The following EFNB2 variants were observed in gnomAD, a reference collection of about 807,000 sequenced individuals.
The protein encoded by EFNB2 is ephrin B2.
Under a neutral mutation model 32.1 loss-of-function variants are expected in EFNB2, and 5 were observed. The ratio of observed to expected loss-of-function variants is 0.16; its 90% confidence interval spans 0.08 to 0.33. The LOEUF (loss-of-function observed/expected upper bound fraction) is 0.33, where lower values mean the gene tolerates loss of function less well. Among genes scored for constraint, EFNB2 ranks in the 10% least tolerant of loss-of-function variants. EFNB2 has a pLI of 1.00. For missense variants in EFNB2, 263 were observed against 422.6 expected, an observed-to-expected ratio of 0.62 and a Z score of 3.31; for synonymous variants, 168 against 166.5, an observed-to-expected ratio of 1.01 and a Z score of -0.07.
At chr13:106,498,709 G>GT (rs1878674426) in intron 2 of EFNB2, among the ~76,000 whole-genome samples, 1 of 152,156 alleles carries the variant, frequency 6.6e-6, no homozygotes. Context: ...AAGTCTTAGA[G>GT]TTGAAGAAGG....
chr13:106,523,280 G>A (rs1042127271), intron 1 of EFNB2, among the ~76,000 whole-genome samples: 22 of 152,060 alleles, frequency 1.4e-4, no homozygotes, highest in Middle Eastern at 3.2e-3. Flanking sequence ...CATACGGATC[G>A]CCCCCACAAC....
At chr13:106,533,169 G>T (rs1348211980) in intron 1 of EFNB2, among the ~76,000 whole-genome samples, 2 of 151,508 alleles carry the variant, frequency 1.3e-5, no homozygotes, top group Admixed American at 6.6e-5. Context: ...CAGGCGGCCT[G>T]GGGGAGGGGC....
At position 106,504,721 on chromosome 13, in the gene EFNB2, A is replaced by T. The variant is rs77509032; in HGVS notation, c.406+7808T>A. Reference sequence around the variant, plus strand: ...GCTCCTCTGTAATGAGATCAATTACACTCCAGCTTGAGGGTCTGCCAATCC... The same window carrying T: ...GCTCCTCTGTAATGAGATCAATTACTCTCCAGCTTGAGGGTCTGCCAATCC... On this transcript the variant is annotated intron_variant, in intron 2 of 4. Transcript: ENST00000646441. 9.6e-3 allele frequency among the ~76,000 whole-genome samples: 1,461 copies of T among 152,192 alleles called. 25 individuals carry two copies. The highest frequency in any genetic ancestry group is 0.034 in the African/African-American group (1,399 of 41,528).
intron 2 of EFNB2, 147 bp from the exon 3 acceptor site, chr13:106,495,987 T>G: frequency 4.1e-6 from 3 of 726,860 alleles, no homozygotes; most frequent in Non-Finnish European, 6.6e-6. Context: ...AGTATGGGGA[T>G]GCTGAAAGCC....
At chr13:106,531,823 A>G (rs889613110) in intron 1 of EFNB2, among the ~76,000 whole-genome samples, 3 of 152,248 alleles carry the variant, frequency 2.0e-5, no homozygotes, top group African/African-American at 7.2e-5. Context: ...TGTGATGCAC[A>G]GGGAATGGTA....
chr13:106,502,803 AAAG>A (rs1236185494), intron 2 of EFNB2, among the ~76,000 whole-genome samples: 28 of 152,110 alleles, frequency 1.8e-4, no homozygotes, highest in Middle Eastern at 3.4e-3. Flanking sequence ...ACAGACCTGG[AAAG>A]CTACTGGCTA....
intron 1 of EFNB2, among the ~76,000 whole-genome samples, chr13:106,530,624 T>G (rs1879838479): frequency 6.6e-6 from 1 of 152,184 alleles, no homozygotes; most frequent in Non-Finnish European, 1.5e-5. Context: ...CCTAAAAATT[T>G]TTTTATTAGG....
intron 2 of EFNB2, 117 bp downstream of exon 2, chr13:106,512,412 C>A (rs1406448726): frequency 6.2e-5 from 30 of 486,536 alleles, no homozygotes; most frequent in South Asian, 7.6e-5. Flanking sequence ...GACAATTTTT[C>A]CACATAGATT....
chr13:106,532,063 A>C (rs1566464933), intron 1 of EFNB2, among the ~76,000 whole-genome samples: 2 of 103,822 alleles, frequency 1.9e-5, no homozygotes, highest in Non-Finnish European at 4.1e-5. Flanking sequence ...AATTAAAAAA[A>C]AAACAAAAAA....
chr13:106,505,961 T>TC (rs1878935752), intron 2 of EFNB2: 1 of 152,226 alleles, frequency 6.6e-6, no homozygotes, highest in African/African-American at 2.4e-5. Flanking sequence ...GGGACAGACA[T>TC]CCCCAGGTCG....
chr13:106,522,983 T>G lies in EFNB2; in HGVS notation c.123-10171A>C, dbSNP rs554967174. 1.3e-4 allele frequency among the ~76,000 whole-genome samples: 20 copies of G among 152,352 alleles called. No individual in the cohort carries two copies. The South Asian group carries it at 3.9e-3, about 30-fold the overall frequency. ...TCTCTTTTGCTATAAGAGATTCACC[T>G]TGCCAATCAAGTATAATCAGCCCAG... On this transcript the variant is annotated intron_variant, in intron 1 of 4. Coordinates refer to ENST00000646441, the MANE Select transcript of EFNB2 (RefSeq NM_004093.4).
chr13:106,506,598 A>G, intron 2 of EFNB2: 1 of 152,156 alleles, frequency 6.6e-6, no homozygotes, highest in South Asian at 2.1e-4. Context: ...AAACGTGTAA[A>G]CTCTCTGGAG....
At chr13:106,501,257 TTTAAAG>T (rs1161217235) in intron 2 of EFNB2, among the ~76,000 whole-genome samples, 1 of 152,228 alleles carries the variant, frequency 6.6e-6, no homozygotes, top group Non-Finnish European at 1.5e-5. Context: ...TGACTGTTTC[TTTAAAG>T]TTAATTAATA....
chr13:106,510,101 A>G (rs1879091164), intron 2 of EFNB2: 2 of 152,158 alleles, frequency 1.3e-5, no homozygotes, highest in African/African-American at 2.4e-5. Flanking sequence ...AGGCTACCAT[A>G]TGCTTTTGCA....
At chr13:106,494,708 GTTCTTA>G (rs2138898214) in intron 4 of EFNB2, among the ~76,000 whole-genome samples, 167 bp downstream of exon 4, 1 of 152,274 alleles carries the variant, frequency 6.6e-6, no homozygotes, top group South Asian at 2.1e-4. Flanking sequence ...GAGTTATTTT[GTTCTTA>G]TTGAGTGTAA....
In EFNB2 at chr13:106,493,612, G is replaced by A. The variant is rs1417539705; in HGVS notation, c.614-184C>T. On this transcript the variant is annotated intron_variant, in intron 4 of 4. Transcript: ENST00000646441. This position sits in a 1 kb window ranked among gnomAD's most constrained non-coding sequence, Gnocchi z 6.1. ...CAAAAGGAAATGAGAGGTATCTCTA[G>A]GAGGGACTTCCCTACCCTCCCAAGC... 6.6e-6 allele frequency among the ~76,000 whole-genome samples: 1 copy of A among 152,134 alleles called. No homozygotes were observed. The highest frequency in any genetic ancestry group is 2.4e-5 in the African/African-American group (1 of 41,428).
At chr13:106,509,449 C>T (rs2138917166) in intron 2 of EFNB2, among the ~76,000 whole-genome samples, 1 of 152,294 alleles carries the variant, frequency 6.6e-6, no homozygotes, top group South Asian at 2.1e-4. Flanking sequence ...TAAAGCTGAA[C>T]TCAAATGCTA....
At chr13:106,521,269 C>A (rs1305821926) in intron 1 of EFNB2, 1 of 152,178 alleles carries the variant, frequency 6.6e-6, no homozygotes, top group East Asian at 1.9e-4. Flanking sequence ...CAAGCAAAAT[C>A]TTTTCAAGAA....
chr13:106,534,114 A>G (rs1014353992), intron 1 of EFNB2, among the ~76,000 whole-genome samples: 1 of 152,154 alleles, frequency 6.6e-6, no homozygotes, highest in Non-Finnish European at 1.5e-5. Flanking sequence ...GTGCATTACA[A>G]TCAGGTCGGC....
Sources: gnomAD v4.1 joint callset for allele counts (sites outside exome capture counted in the v4.1 genomes callset) on GRCh38, gnomAD v4.1.1 for gene constraint, Gnocchi (gnomAD v3.1) non-coding constraint, MANE v1.5 for transcripts, NCBI Gene and HGNC (gene_info 2026-07-23, HGNC 2026-07-21) for gene names.